Variants in LRP1B observed in about 807,000 individuals in gnomAD.
LRP1B encodes low-density lipoprotein receptor-related protein 1B.
LRP1B carries 217 observed loss-of-function variants against 556.6 expected under a neutral mutation model. The observed-to-expected ratio is 0.39, with a 90% confidence interval of 0.35 to 0.44. LRP1B has a LOEUF of 0.44. Ranked by LOEUF, LRP1B falls within the 20% of genes least tolerant of loss-of-function variation. LRP1B has a pLI of 1.00. For missense variants in LRP1B, 5,053 were observed against 5,620.8 expected (o/e 0.90, Z 3.23); for synonymous variants, 2,047 against 1,865.8 (o/e 1.10, Z -2.50).
chr2:140,278,348 C>G (rs1682772248), intron 84 of LRP1B, among the ~76,000 whole-genome samples: 1 of 151,996 alleles, frequency 6.6e-6, no homozygotes, highest in African/African-American at 2.4e-5. Flanking sequence ...TTAAACTTTT[C>G]TGTGTATATT....
chr2:140,394,651 G>A (rs967332141), intron 66 of LRP1B, among the ~76,000 whole-genome samples: 1 of 152,094 alleles, frequency 6.6e-6, no homozygotes, highest in Admixed American at 6.6e-5. Context: ...GACAACACAA[G>A]AGAAGCTGGA....
intron 66 of LRP1B, among the ~76,000 whole-genome samples, chr2:140,425,492 C>A (rs1558873274): frequency 6.6e-6 from 1 of 152,130 alleles, no homozygotes. Context: ...CTCACTGCAA[C>A]TTCCACCTCC....
intron 66 of LRP1B, among the ~76,000 whole-genome samples, chr2:140,415,197 A>G (rs1381940038): frequency 6.6e-6 from 1 of 151,888 alleles, no homozygotes; most frequent in Non-Finnish European, 1.5e-5. Context: ...TTATCAAGAC[A>G]ATACTTGCAC....
intron 2 of LRP1B, among the ~76,000 whole-genome samples, chr2:141,544,301 C>CTTCTTCTTCTTCTTCTTCTT (rs1685387693): frequency 1.4e-4 from 1 of 6,950 alleles, no homozygotes; most frequent in African/African-American, 7.9e-4. Flanking sequence ...TACCACTCTT[C>CTTCTTCTTCTTCTTCTTCTT]TTCTTCTTCT....
intron 77 of LRP1B, among the ~76,000 whole-genome samples, chr2:140,336,873 G>A (rs1054141345): frequency 2.0e-5 from 3 of 151,786 alleles, no homozygotes; most frequent in Admixed American, 6.6e-5. Context: ...GGTTTATTGT[G>A]CATAACCAAA....
chr2:141,503,881 A>T (rs970665602), intron 2 of LRP1B, among the ~76,000 whole-genome samples: 5 of 152,166 alleles, frequency 3.3e-5, no homozygotes, highest in Non-Finnish European at 7.4e-5. Flanking sequence ...TAAACACAAC[A>T]GAGCACTCCT....
chr2:141,579,724 C>CTTTTTTTTTTTTTTTTT lies in LRP1B; in HGVS notation c.206-99208_206-99192dup, dbSNP rs33913417. 5.2e-4 allele frequency among the ~76,000 whole-genome samples: 53 copies of CTTTTTTTTTTTTTTTTT among 100,960 alleles called. 8 individuals are homozygous for CTTTTTTTTTTTTTTTTT. Among genetic ancestry groups the CTTTTTTTTTTTTTTTTT allele is most frequent in the African/African-American group, 1.6e-3 (36 of 22,480 alleles). 66.2% of individuals were successfully genotyped at this position (100,960 alleles called of 152,430 possible). A position where few individuals can be genotyped will look rare whatever the true frequency, so the allele number is the denominator to read the frequency against. On this transcript the variant is annotated intron_variant, in intron 2 of 90. Coordinates refer to ENST00000389484, the MANE Select transcript of LRP1B (RefSeq NM_018557.3). ...CATAAGGAAAACATATCAGGTTTCA[C>CTTTTTTTTTTTTTTTTT]TTTTTTTTTTTTTTTTTTGAGACGG...
At chr2:141,591,365 T>TG (rs1553539642) in intron 2 of LRP1B, among the ~76,000 whole-genome samples, 1 of 42,204 alleles carries the variant, frequency 2.4e-5, no homozygotes, top group Non-Finnish European at 4.3e-5. Context: ...GTTTGTTTGT[T>TG]TTTTTTTTTT....
intron 62 of LRP1B, among the ~76,000 whole-genome samples, chr2:140,451,646 C>CTCT (rs1686890761): frequency 6.6e-6 from 1 of 152,042 alleles, no homozygotes; most frequent in African/African-American, 2.4e-5. Context: ...TTAAGAATAT[C>CTCT]TCTTTAAAGC....
intron 1 of LRP1B, among the ~76,000 whole-genome samples, chr2:142,108,446 G>A (rs897426179): frequency 6.6e-6 from 1 of 152,100 alleles, no homozygotes; most frequent in Non-Finnish European, 1.5e-5. Flanking sequence ...AAACCACTAA[G>A]GCATAGGTTG....
At chr2:142,086,800 T>A (rs1044317329) in intron 1 of LRP1B, among the ~76,000 whole-genome samples, 2 of 152,242 alleles carry the variant, frequency 1.3e-5, no homozygotes, top group Non-Finnish European at 2.9e-5. Flanking sequence ...CTGTCAATCC[T>A]ACTTCCTAGA....
intron 1 of LRP1B, among the ~76,000 whole-genome samples, chr2:141,997,990 G>A (rs896765860): frequency 6.6e-6 from 1 of 151,992 alleles, no homozygotes; most frequent in African/African-American, 2.4e-5. Flanking sequence ...GAATAAAATA[G>A]TTATTACTAC....
At chr2:141,846,155 G>A (rs1476998614) in intron 1 of LRP1B, among the ~76,000 whole-genome samples, 1 of 151,478 alleles carries the variant, frequency 6.6e-6, no homozygotes, top group Non-Finnish European at 1.5e-5. Context: ...ACAGATTTCT[G>A]CAAACAAGGA....
chr2:140,435,224 T>C (rs1490784629), intron 66 of LRP1B, among the ~76,000 whole-genome samples: 1 of 151,960 alleles, frequency 6.6e-6, no homozygotes, highest in Non-Finnish European at 1.5e-5. Flanking sequence ...CTTTTAAATC[T>C]CCATATTTCT....
intron 7 of LRP1B, among the ~76,000 whole-genome samples, chr2:141,069,169 C>T (rs1022378796): frequency 3.9e-5 from 6 of 151,988 alleles, no homozygotes; most frequent in African/African-American, 7.2e-5. Context: ...TCCTTATCCC[C>T]ACTTCACCCC....
At chr2:141,901,846 T>G (rs1235565809) in intron 1 of LRP1B, among the ~76,000 whole-genome samples, 1 of 151,918 alleles carries the variant, frequency 6.6e-6, no homozygotes, top group East Asian at 1.9e-4. Context: ...TAATCATAAT[T>G]ATTTGAATGA....
intron 3 of LRP1B, among the ~76,000 whole-genome samples, chr2:141,352,421 A>G (rs1161861946): frequency 6.6e-6 from 1 of 151,874 alleles, no homozygotes; most frequent in Non-Finnish European, 1.5e-5. Context: ...TTTATAAAAA[A>G]GTTGCAATGA....
chr2:140,370,788 G>A lies in LRP1B; in HGVS notation c.10930C>T (p.His3644Tyr), dbSNP rs766549836. The change falls in exon 71 of 91, where the codon CAC (histidine) becomes TAC (tyrosine). Residue 3644 changes from histidine (H) to tyrosine (Y), a missense_variant. By Grantham distance (83) the His-to-Tyr change is moderately conservative (BLOSUM62 2). Transcript: ENST00000389484. ...CACAGCCATCTAATTGGAATACAGTGGGCTTTATTTTTGCACCGAAACTGA... is the reference window on the plus strand; with the variant it reads ...CACAGCCATCTAATTGGAATACAGTAGGCTTTATTTTTGCACCGAAACTGA... ...EDQFRCKNKA[H>Y]CIPIRWLCDG... 5.0e-6 allele frequency: 8 copies of A among 1,612,544 alleles called. No homozygotes were observed. Among genetic ancestry groups the A allele is most frequent in the Admixed American group, 1.7e-5 (1 of 59,828 alleles).
At position 140,233,171 on chromosome 2, in the gene LRP1B, A is replaced by G; in HGVS notation, c.*15T>C. On this transcript the variant is annotated 3_prime_UTR_variant, in exon 91 of 91. Transcript: ENST00000389484. ...TATTTTATACATTTATACAGCATAT[A>G]AAAGATATCACTGATTATGCCACTG... The G allele has an allele frequency of 1.3e-6, 2 of 1,550,206 alleles. No homozygotes were observed. Among genetic ancestry groups the G allele is most frequent in the Non-Finnish European group, 1.8e-6 (2 of 1,129,880 alleles).
Sources: allele counts gnomAD v4.1 joint callset (sites outside exome capture counted in the v4.1 genomes callset), GRCh38; gene constraint gnomAD v4.1.1; transcripts MANE v1.5; gene names NCBI Gene and HGNC (gene_info 2026-07-23, HGNC 2026-07-21).